HMCN1: variants seen among roughly 807,000 people sequenced by gnomAD.
HMCN1 encodes hemicentin 1, also known as hemicentin-1.
Under a neutral mutation model 625.9 loss-of-function variants are expected in HMCN1, and 321 were observed. The observed-to-expected ratio is 0.51, with a 90% CI of 0.47 to 0.56. HMCN1 has a LOEUF of 0.56. Ranked by LOEUF, HMCN1 falls within the 20% of genes least tolerant of loss-of-function variation. The probability of loss-of-function intolerance (pLI) is 0.00; values close to 1 mark genes in which losing one functional copy is unlikely to be tolerated. For missense variants in HMCN1, 6,588 were observed against 6,887.3 expected (o/e 0.96, Z 1.54); for synonymous variants, 2,425 against 2,417.6 (o/e 1.00, Z -0.09).
intron 39 of HMCN1, among the ~76,000 whole-genome samples, chr1:186,040,377 A>G (rs573665713): frequency 1.6e-3 from 249 of 152,286 alleles, no homozygotes; most frequent in African/African-American, 5.7e-3. Flanking sequence ...AAAATTTTAA[A>G]TGCATTATAT....
At chr1:185,780,862 TAA>T (rs918294503) in intron 1 of HMCN1, among the ~76,000 whole-genome samples, 2 of 152,192 alleles carry the variant, frequency 1.3e-5, no homozygotes, top group Non-Finnish European at 2.9e-5. Flanking sequence ...GCTGGCCTCA[TAA>T]AATGAGTTAG....
At chr1:186,051,713 G>C (rs916709820) in intron 42 of HMCN1, among the ~76,000 whole-genome samples, 3 of 152,166 alleles carry the variant, frequency 2.0e-5, no homozygotes, top group Admixed American at 6.6e-5. Context: ...TAAGGTAGTT[G>C]AGAATATTGA....
In HMCN1 at chr1:186,088,585, G is replaced by T. The variant is rs111235636; in HGVS notation, c.9578-21G>T. 9.9e-6 allele frequency: 16 copies of T among 1,608,358 alleles called. No homozygotes were observed. In the African/African-American group the frequency reaches 1.1e-4, roughly 11 times the overall value. The stretch of plus-strand genomic sequence containing the variant: ...TTTAAAGGTTTTTTTATGTTTTATT[G>T]TGCTTTGTTTCTACCTCTAGAAAAT... On this transcript the variant is annotated intron_variant, in intron 62 of 106. Coordinates refer to ENST00000271588, the MANE Select transcript of HMCN1 (RefSeq NM_031935.3).
At chr1:185,794,378 T>C (rs1230809416) in intron 1 of HMCN1, among the ~76,000 whole-genome samples, 1 of 149,636 alleles carries the variant, frequency 6.7e-6, no homozygotes, top group Non-Finnish European at 1.5e-5. Context: ...TATTAAGGAG[T>C]ATTAACTCAT....
intron 11 of HMCN1, among the ~76,000 whole-genome samples, chr1:185,952,893 G>A (rs141174204): frequency 1.3e-5 from 2 of 150,506 alleles, no homozygotes; most frequent in African/African-American, 5.0e-5. Context: ...AGGAATTGGG[G>A]CACAGAGATA....
At chr1:186,121,691 T>C (rs536575786) in intron 80 of HMCN1, among the ~76,000 whole-genome samples, 64 of 152,276 alleles carry the variant, frequency 4.2e-4, no homozygotes, top group African/African-American at 1.5e-3. Flanking sequence ...GAGTTGAATA[T>C]ATATGAATTT....
At chr1:185,982,505 A>T in intron 18 of HMCN1, 116 bp downstream of exon 18, 45 of 947,084 alleles carry the variant, frequency 4.8e-5, no homozygotes, top group Admixed American at 1.6e-4. Context: ...CAGTGGTGGG[A>T]TCTAGGCTCA....
chr1:186,122,807 A>G (rs1036923247), intron 80 of HMCN1, 144 bp from the exon 81 acceptor site: 2 of 862,620 alleles, frequency 2.3e-6, no homozygotes, highest in Non-Finnish European at 3.6e-6. Flanking sequence ...CCCATGAAAA[A>G]ATGTAGTGCT....
chr1:186,177,637 T>A (rs1571469292), intron 103 of HMCN1, among the ~76,000 whole-genome samples: 1 of 152,248 alleles, frequency 6.6e-6, no homozygotes, highest in African/African-American at 2.4e-5. Flanking sequence ...TAAATAAAAA[T>A]TTTAAAATAA....
Position 185,933,812 on chromosome 1 carries a change from C to T in HMCN1, c.1816C>T (p.Leu606Phe). 6.2e-7 allele frequency: 1 copy of T among 1,613,752 alleles called. No homozygotes were observed. Among genetic ancestry groups the T allele is most frequent in the Non-Finnish European group, 8.5e-7 (1 of 1,179,760 alleles). Residue 606 changes from leucine (L) to phenylalanine (F), a missense_variant, in exon 11 of 107, where the codon CTC becomes TTC. Physicochemically the swap from Leu to Phe is conservative, Grantham distance 22. This residue lies in a region of HMCN1 where 4,628 missense variants were observed against 4,853.1 expected (regional missense o/e 0.95). Transcript: ENST00000271588. ...EGGSSAASVF[L>F]TVQEPPKVTV... is the part of the protein sequence containing the mutation. ...TGGATCATCAGCCGCTTCAGTTTTC[C>T]TCACAGTGCAAGGTACAGTGCTTTG... is the stretch of plus-strand genomic sequence containing the variant.
At chr1:185,832,220 C>T (rs1028342870) in intron 1 of HMCN1, among the ~76,000 whole-genome samples, 1 of 151,340 alleles carries the variant, frequency 6.6e-6, no homozygotes, top group African/African-American at 2.4e-5. Flanking sequence ...CGCTTGAACC[C>T]GGGAGGCAGA....
rs369735007 is a variant in HMCN1, at chr1:185,968,480, T to TTATATATATATA, written c.2213-1850_2213-1839dup. ...TAATTTCTCAGTTTTATTTCTAAAA[T>TTATATATATATA]TATATATATATATATAAATTACAAA... On this transcript the variant is annotated intron_variant, in intron 14 of 106. Transcript: ENST00000271588. 6.4e-4 allele frequency among the ~76,000 whole-genome samples: 96 copies of TTATATATATATA among 149,324 alleles called. 1 individual carries two copies. The highest frequency in any genetic ancestry group is 4.2e-4 in the South Asian group (2 of 4,778).
intron 2 of HMCN1, among the ~76,000 whole-genome samples, chr1:185,856,467 G>A (rs531338385): frequency 3.0e-4 from 45 of 147,972 alleles, no homozygotes; most frequent in Admixed American, 2.8e-3. Flanking sequence ...CAGCCTGGGC[G>A]ACAGAGCTAG....
At chr1:186,081,491 T>C (rs953692558) in intron 56 of HMCN1, 97 bp downstream of exon 56, 4 of 825,694 alleles carry the variant, frequency 4.8e-6, no homozygotes, top group Admixed American at 2.3e-5. Context: ...TATTAGCTTG[T>C]AAATATTATA....
At chr1:185,979,451 G>T (rs555881163) in intron 16 of HMCN1, among the ~76,000 whole-genome samples, 39 of 152,276 alleles carry the variant, frequency 2.6e-4, no homozygotes, top group African/African-American at 9.4e-4. Flanking sequence ...AAAAGAAAAG[G>T]AAGAATAAAA....
At chr1:185,941,322 G>C (rs1337565676) in intron 11 of HMCN1, among the ~76,000 whole-genome samples, 1 of 152,160 alleles carries the variant, frequency 6.6e-6, no homozygotes, top group African/African-American at 2.4e-5. Flanking sequence ...CATGTCAGAA[G>C]TTATTCTACA....
chr1:185,929,090 C>G (rs969021391), intron 10 of HMCN1, among the ~76,000 whole-genome samples: 1 of 151,776 alleles, frequency 6.6e-6, no homozygotes, highest in African/African-American at 2.4e-5. Flanking sequence ...AGCATTTTCC[C>G]GTGAGAAAAT....
rs755865809 is a variant in HMCN1, at chr1:186,144,183, A to G, written c.13935A>G (p.Ala4645=). The part of the protein sequence containing the change: ...CNIRPCPVHG[A]WSAWQPWGTC... Reference sequence around the variant, plus strand: ...TTGGGGTGTTTGCAGTTCATGGAGCATGGAGCGCTTGGCAGCCTTGGGGAA... The same window carrying G: ...TTGGGGTGTTTGCAGTTCATGGAGCGTGGAGCGCTTGGCAGCCTTGGGGAA... The change falls in exon 90 of 107, where the codon GCA becomes GCG. Residue 4645 remains alanine, a synonymous_variant. Coordinates refer to ENST00000271588, the MANE Select transcript of HMCN1 (RefSeq NM_031935.3). 1.2e-6 allele frequency: 2 copies of G among 1,606,190 alleles called. No homozygotes were observed. Among genetic ancestry groups the G allele is most frequent in the African/African-American group, 1.3e-5 (1 of 74,648 alleles).
intron 14 of HMCN1, among the ~76,000 whole-genome samples, chr1:185,969,189 A>G: frequency 6.6e-6 from 1 of 152,178 alleles, no homozygotes; most frequent in East Asian, 1.9e-4. Flanking sequence ...TGTCAACATC[A>G]TCTGCTTTTA....
Sources: allele counts gnomAD v4.1 joint callset (sites outside exome capture counted in the v4.1 genomes callset), GRCh38; gene constraint gnomAD v4.1.1; regional missense constraint gnomAD v4.1.1; transcripts MANE v1.5; gene names NCBI Gene and HGNC (gene_info 2026-07-23, HGNC 2026-07-21).